CHN2: variants seen among roughly 807,000 people sequenced by gnomAD.
The protein encoded by CHN2 is chimerin 2, also known as beta-chimaerin.
CHN2 carries 35 observed loss-of-function variants against 56.3 expected under a neutral mutation model. The observed-to-expected ratio is 0.62, with a 90% CI of 0.47 to 0.82. The LOEUF (loss-of-function observed/expected upper bound fraction) is 0.82, where lower values mean the gene tolerates loss of function less well. Ranked by LOEUF, CHN2 falls within the 40% of genes least tolerant of loss-of-function variation. CHN2 has a pLI of 0.00. For missense variants in CHN2, 491 were observed against 580.5 expected, an observed-to-expected ratio of 0.85 and a Z score of 1.58; for synonymous variants, 210 against 212.8, an observed-to-expected ratio of 0.99 and a Z score of 0.12.
At chr7:29,273,355 A>ATATATATATATATATATATGTGTATG (rs1790869419) in intron 1 of CHN2, among the ~76,000 whole-genome samples, 1 of 75,002 alleles carries the variant, frequency 1.3e-5, no homozygotes, top group Admixed American at 1.2e-4. Context: ...ATATATATAT[A>ATATATATATATATATATATGTGTATG]TATATATATA....
chr7:29,459,810 C>T (rs1479891104), intron 6 of CHN2, among the ~76,000 whole-genome samples: 1 of 152,170 alleles, frequency 6.6e-6, no homozygotes, highest in Non-Finnish European at 1.5e-5. Context: ...AGCAAACCCA[C>T]AAGTGGTAGA....
At chr7:29,477,822 A>G (rs1786726050) in intron 6 of CHN2, among the ~76,000 whole-genome samples, 1 of 152,206 alleles carries the variant, frequency 6.6e-6, no homozygotes, top group Non-Finnish European at 1.5e-5. Flanking sequence ...GAGACCCCGC[A>G]CCATGCAGTC....
At position 29,156,707 on chromosome 7, in the gene CHN2, C is replaced by T. The variant is rs774949558; in HGVS notation, c.274+9747C>T. The stretch of plus-strand genomic sequence containing the variant: ...AAGGAGCTTTATGTTAGTATGAAAG[C>T]GACTATGTATTACTCTCCAGCACAG... On this transcript the variant is annotated intron_variant, in intron 2 of 6. Transcript: ENST00000439384. Among the ~76,000 whole-genome samples, 6 of 152,062 alleles carry T rather than the reference C, an allele frequency of 3.9e-5. No individual in the cohort carries two copies. In the East Asian group the frequency reaches 5.8e-4, roughly 15 times the overall value.
intron 6 of CHN2, among the ~76,000 whole-genome samples, chr7:29,425,221 A>C (rs1804743010): frequency 6.6e-6 from 1 of 152,214 alleles, no homozygotes; most frequent in African/African-American, 2.4e-5. Flanking sequence ...TAAAGTATGA[A>C]AGGAGATGAT....
At chr7:29,209,582 G>C (rs3812388) in intron 1 of CHN2, among the ~76,000 whole-genome samples, 17,399 of 152,162 alleles carry the variant, frequency 0.11, 1,034 homozygotes, top group East Asian at 0.2. Context: ...TGAGAAGTAG[G>C]ACAGTGAGGG....
At chr7:29,464,229 C>A (rs1785389502) in intron 6 of CHN2, among the ~76,000 whole-genome samples, 1 of 152,132 alleles carries the variant, frequency 6.6e-6, no homozygotes. Flanking sequence ...ACACAACAAT[C>A]CTGAGGTATC....
chr7:29,410,694 A>G (rs1302971352), intron 6 of CHN2, among the ~76,000 whole-genome samples: 2 of 151,860 alleles, frequency 1.3e-5, no homozygotes, highest in African/African-American at 2.4e-5. Flanking sequence ...TTTGTTTTTG[A>G]AGAAACTGGA....
At chr7:29,207,393 GCTC>G (rs1784598379) in intron 1 of CHN2, among the ~76,000 whole-genome samples, 1 of 151,968 alleles carries the variant, frequency 6.6e-6, no homozygotes, top group African/African-American at 2.4e-5. Flanking sequence ...ATAGAGACTT[GCTC>G]TCTAGGGCTG....
chr7:29,252,567 T>A (rs1267632043), intron 1 of CHN2, among the ~76,000 whole-genome samples: 1 of 102,692 alleles, frequency 9.7e-6, no homozygotes. Flanking sequence ...TTGTCTAAAA[T>A]TGCATTCTTT....
At chr7:29,350,518 T>C (rs139605432) in intron 1 of CHN2, among the ~76,000 whole-genome samples, 104 of 152,302 alleles carry the variant, frequency 6.8e-4, no homozygotes, top group Middle Eastern at 3.4e-3. Flanking sequence ...ATTATAGTTG[T>C]TCCACTGAAG....
intron 6 of CHN2, chr7:29,479,564 G>C: frequency 1.5e-6 from 1 of 668,738 alleles, no homozygotes; most frequent in Non-Finnish European, 1.9e-6. Context: ...AAGAGACATA[G>C]GCTTTACCCC....
At chr7:29,500,090 G>A (rs751185898) in intron 9 of CHN2, 50 bp downstream of exon 9, 50 of 1,364,322 alleles carry the variant, frequency 3.7e-5, no homozygotes, top group Non-Finnish European at 4.7e-5. Context: ...TATTTTTATT[G>A]TTTGTTTTTA....
chr7:29,341,210 C>T lies in CHN2; in HGVS notation c.50-13415C>T, dbSNP rs1251636337. Among the ~76,000 whole-genome samples the T allele has an allele frequency of 2.0e-5, 3 of 151,756 alleles. No homozygotes were observed. The South Asian group carries it at 6.2e-4, about 32-fold the overall frequency. ...TCATCCTTCCCCTCTCTAGAGCTCCCTCCTTCACGTGTGGAGGTACAGTCG... is the reference window on the plus strand; with the variant it reads ...TCATCCTTCCCCTCTCTAGAGCTCCTTCCTTCACGTGTGGAGGTACAGTCG... On this transcript the variant is annotated intron_variant, in intron 1 of 12. Transcript: ENST00000222792.
At chr7:29,442,975 C>T (rs948470018) in intron 6 of CHN2, among the ~76,000 whole-genome samples, 4 of 112,134 alleles carry the variant, frequency 3.6e-5, no homozygotes, top group African/African-American at 1.8e-4. Context: ...GCTCTGTCGC[C>T]CAGGCCAGAC....
intron 2 of CHN2, among the ~76,000 whole-genome samples, chr7:29,362,093 C>A (rs550272205): frequency 3.3e-5 from 5 of 152,350 alleles, no homozygotes; most frequent in African/African-American, 1.2e-4. Context: ...GGAGAGTAAG[C>A]AATGCCAGAG....
intron 6 of CHN2, among the ~76,000 whole-genome samples, chr7:29,469,325 C>T (rs930974138): frequency 3.3e-5 from 5 of 152,180 alleles, no homozygotes; most frequent in African/African-American, 1.2e-4. Flanking sequence ...CTTTAGCCCC[C>T]CTACAGTCAT....
intron 6 of CHN2, among the ~76,000 whole-genome samples, chr7:29,406,165 C>A (rs1298247632): frequency 6.6e-6 from 1 of 152,134 alleles, no homozygotes; most frequent in Non-Finnish European, 1.5e-5. Context: ...AAATTTGCAG[C>A]CTGTTTAAGC....
At chr7:29,412,505 T>C (rs1803338094) in intron 6 of CHN2, among the ~76,000 whole-genome samples, 1 of 151,934 alleles carries the variant, frequency 6.6e-6, no homozygotes, top group Non-Finnish European at 1.5e-5. Flanking sequence ...CTAATTTTTG[T>C]ATTTTTAGTA....
chr7:29,266,959 G>A (rs755761039), intron 1 of CHN2, among the ~76,000 whole-genome samples: 5 of 152,100 alleles, frequency 3.3e-5, no homozygotes, highest in Non-Finnish European at 7.3e-5. Context: ...TCCTCAAGGT[G>A]AGAAGCCAAG....
Sources: gnomAD v4.1 joint callset for allele counts (sites outside exome capture counted in the v4.1 genomes callset) on GRCh38, gnomAD v4.1.1 for gene constraint, MANE v1.5 for transcripts, NCBI Gene and HGNC (gene_info 2026-07-23, HGNC 2026-07-21) for gene names.